The following KANK3 variants were observed in gnomAD, a reference collection of about 807,000 sequenced individuals.
KANK3 encodes the protein KN motif and ankyrin repeat domain-containing protein 3.
In KANK3, 61 loss-of-function variants were observed where a neutral mutation model predicts 65.4. That is an observed-to-expected ratio of 0.93 (90% confidence interval 0.76 to 1.15). KANK3 has a LOEUF of 1.15. Among genes scored for constraint, KANK3 ranks in the 50% most tolerant of loss-of-function variants. The pLI is 0.00. For synonymous variants in KANK3, 586 were observed against 543.3 expected (o/e 1.08, Z -1.09); for missense variants, 1,187 against 1,178.8 (o/e 1.01, Z -0.10).
At chr19:8,327,628 C>A (rs1200242088) in intron 7 of KANK3, among the ~76,000 whole-genome samples, 1 of 151,930 alleles carries the variant, frequency 6.6e-6, no homozygotes, top group Non-Finnish European at 1.5e-5. Context: ...ACACTCTGCT[C>A]CCCGCCAAAA....
chr19:8,332,310 T>C (rs981254095), intron 7 of KANK3, among the ~76,000 whole-genome samples: 1 of 151,978 alleles, frequency 6.6e-6, no homozygotes, highest in Non-Finnish European at 1.5e-5. Flanking sequence ...CCTGAGTAGC[T>C]GGAATTACAG....
chr19:8,335,810 G>A lies in KANK3; in HGVS notation c.35-18C>T. The A allele has an allele frequency of 2.4e-6, 3 of 1,227,554 alleles. No homozygotes were observed. Among genetic ancestry groups the A allele is most frequent in the Admixed American group, 4.2e-5 (1 of 23,670 alleles). 76.0% of individuals were successfully genotyped at this position (1,227,554 alleles called of 1,614,324 possible). A position where few individuals can be genotyped will look rare whatever the true frequency, so the allele number is the denominator to read the frequency against. ...GCCCAGGTCTGGAGGCACGACGGGG[G>A]CACGGGGAGGGCGCATCAGAACGGG... On this transcript the variant is annotated intron_variant, in intron 2 of 10. Coordinates refer to ENST00000330915, the MANE Select transcript of KANK3 (RefSeq NM_198471.3).
chr19:8,324,451 G>C lies in KANK3; in HGVS notation c.2380C>G (p.Gln794Glu). 6.3e-7 allele frequency: 1 copy of C among 1,598,792 alleles called. No individual in the cohort carries two copies. The highest frequency in any genetic ancestry group is 1.7e-5 in the Admixed American group (1 of 57,406). The change falls in exon 10 of 11, where the codon CAG becomes GAG. Residue 794 changes from glutamine to glutamate, a missense_variant and splice_region_variant. By Grantham distance (29) the Gln-to-Glu change is conservative. Around this residue, in one of 3 missense-constraint regions of KANK3, gnomAD observed 1,078 missense variants for 1,038.2 expected, o/e 1.04. Transcript: ENST00000330915. ...AHLSSGQPDTQSESPPGSQTA... is the reference protein window; with the variant it reads ...AHLSSGQPDTESESPPGSQTA... ...GTTTCTTCCAGAGCTGTGCTCACCTGGGTGTCGGGCTGGCCCGAGCTCAGG... is the reference window on the plus strand; with the variant it reads ...GTTTCTTCCAGAGCTGTGCTCACCTCGGTGTCGGGCTGGCCCGAGCTCAGG...
chr19:8,325,022 G>T lies in KANK3; in HGVS notation c.2011C>A (p.Gln671Lys). Reference protein sequence around the residue: ...LMLAALTSVRQEEEDMAVVQR... With the variant: ...LMLAALTSVRKEEEDMAVVQR... ...ACCACAGCCATGTCCTCCTCTTCCT[G>T]CCTCACAGAGGTGAGTGCAGCCAGC... is the stretch of plus-strand genomic sequence containing the variant. The change falls in exon 8 of 11, where the codon CAG (glutamine) becomes AAG (lysine). Residue 671 changes from glutamine (Q) to lysine (K), a missense_variant. By Grantham distance (53) the Gln-to-Lys change is moderately conservative. Transcript: ENST00000330915. 6.2e-7 allele frequency: 1 copy of T among 1,613,852 alleles called. No homozygotes were observed. The highest frequency in any genetic ancestry group is 8.5e-7 in the Non-Finnish European group (1 of 1,179,998).
At chr19:8,339,261 G>A (rs1202015473) in intron 1 of KANK3, among the ~76,000 whole-genome samples, 1 of 152,126 alleles carries the variant, frequency 6.6e-6, no homozygotes, top group African/African-American at 2.4e-5. Context: ...AAAAAGCACA[G>A]GGTGAAATCT....
In KANK3 at chr19:8,335,411, C is replaced by T. The variant is rs1970618681; in HGVS notation, c.416G>A (p.Arg139Gln). ...GTGTGTCTGCGCCAGCTCCAGCCGCCGGCTGGTCTCCCGGAGCGTGTGCTC... is the reference window on the plus strand; with the variant it reads ...GTGTGTCTGCGCCAGCTCCAGCCGCTGGCTGGTCTCCCGGAGCGTGTGCTC... ...RVEHTLRETS[R>Q]RLELAQTHER... Residue 139 changes from arginine (R) to glutamine (Q), a missense_variant, in exon 3 of 11, where the codon CGG becomes CAG. Transcript: ENST00000330915. 3.3e-6 allele frequency: 4 copies of T among 1,204,706 alleles called. No homozygotes were observed. The highest frequency in any genetic ancestry group is 4.1e-6 in the Non-Finnish European group (4 of 970,290). 74.6% of individuals were successfully genotyped at this position (1,204,706 alleles called of 1,614,324 possible).
At chr19:8,340,713 T>A (rs535614180) in intron 1 of KANK3, among the ~76,000 whole-genome samples, 1 of 152,258 alleles carries the variant, frequency 6.6e-6, no homozygotes. Context: ...GGGGAAACCG[T>A]AACTCCATTT....
Position 8,324,490 on chromosome 19 carries a change from G to A in KANK3, c.2341C>T (p.Leu781=). The part of the protein sequence containing the change: ...LEAEQDEVAA[L]LHAHLSSGQP... Reference sequence around the variant, plus strand: ...CCCGAGCTCAGGTGGGCATGTAGCAGAGCGGCCACCTCATCCTGCTCAGCC... The same window carrying A: ...CCCGAGCTCAGGTGGGCATGTAGCAAAGCGGCCACCTCATCCTGCTCAGCC... Residue 781 remains leucine (L), a synonymous_variant, in exon 10 of 11, where the codon CTG becomes TTG. Transcript: ENST00000330915. 1 of 1,612,454 alleles carries A rather than the reference G, an allele frequency of 6.2e-7. No homozygotes were observed. The highest frequency in any genetic ancestry group is 1.1e-5 in the South Asian group (1 of 90,808).
intron 1 of KANK3, among the ~76,000 whole-genome samples, chr19:8,338,661 G>A (rs545880815): frequency 6.6e-6 from 1 of 151,876 alleles, no homozygotes; most frequent in African/African-American, 2.4e-5. Flanking sequence ...GGATCATGAG[G>A]TCAGGAGATC....
At position 8,333,288 on chromosome 19, in the gene KANK3, G is replaced by A. The variant is rs1405277707; in HGVS notation, c.1720-58C>T. 1 of 1,390,436 alleles carries A rather than the reference G, an allele frequency of 7.2e-7. No individual in the cohort carries two copies. The highest frequency in any genetic ancestry group is 9.9e-7 in the Non-Finnish European group (1 of 1,011,598). 86.1% of individuals were successfully genotyped at this position (1,390,436 alleles called of 1,614,324 possible). ...GATGGTCCACGGCGGCGCCGTGGTG[G>A]GGGAGCTGGGGAGGGGCGGGACTGG... On this transcript the variant is annotated intron_variant, in intron 6 of 10. Coordinates refer to ENST00000330915, the MANE Select transcript of KANK3 (RefSeq NM_198471.3). This position sits in a 1 kb window ranked among gnomAD's most constrained non-coding sequence, Gnocchi z 5.0.
intron 7 of KANK3, among the ~76,000 whole-genome samples, chr19:8,328,387 C>CCACACACA (rs55963090): frequency 2.9e-4 from 42 of 145,212 alleles, no homozygotes; most frequent in East Asian, 1.9e-3. Context: ...ACCACCCCCA[C>CCACACACA]CACACACACA....
intron 1 of KANK3, among the ~76,000 whole-genome samples, chr19:8,339,397 T>C (rs1047344783): frequency 5.9e-5 from 9 of 151,530 alleles, no homozygotes; most frequent in African/African-American, 1.9e-4. Context: ...TTCCCTCTTG[T>C]TGCCCAGGCT....
In KANK3 at chr19:8,334,648, G is replaced by A; in HGVS notation, c.1179C>T (p.Ala393=). 6.5e-7 allele frequency: 1 copy of A among 1,531,634 alleles called. No individual in the cohort carries two copies. The highest frequency in any genetic ancestry group is 8.7e-7 in the Non-Finnish European group (1 of 1,145,382). The allele number at this position is 1,531,634 out of a possible 1,614,324, so 94.9% of individuals were successfully genotyped here. ...TGGTGGCCTCGCGTAGCTGGGCCCG[G>A]GCCCCCGCCGCTGCCTCCTCCGCAG... is the stretch of plus-strand genomic sequence containing the variant. The part of the protein sequence containing the change: ...REAAEEAAAG[A]RAQLREATTQ... The change falls in exon 3 of 11, where the codon GCC becomes GCT. Residue 393 remains alanine, a synonymous_variant. Transcript: ENST00000330915.
At chr19:8,332,538 G>C (rs113483064) in intron 7 of KANK3, among the ~76,000 whole-genome samples, 50,822 of 151,200 alleles carry the variant, frequency 0.34, 8,809 homozygotes, top group African/African-American at 0.4. Flanking sequence ...AAGGAGGTTG[G>C]CTGGGCGCAG....
chr19:8,326,363 A>C (rs2145415065), intron 7 of KANK3, among the ~76,000 whole-genome samples: 1 of 151,944 alleles, frequency 6.6e-6, no homozygotes, highest in East Asian at 2.0e-4. Context: ...TGGGAGCTGC[A>C]GTGAGCCAAG....
In KANK3 at chr19:8,340,291, T is replaced by TATATATATATATATATATACAC. The variant is rs1472181365; in HGVS notation, c.-28-2436_-28-2435insGTGTATATATATATATATATAT. Among the ~76,000 whole-genome samples, 303 of 92,700 alleles carry TATATATATATATATATATACAC rather than the reference T, an allele frequency of 3.3e-3. 1 individual carries two copies. Among genetic ancestry groups the TATATATATATATATATATACAC allele is most frequent in the Middle Eastern group, 6.0e-3 (1 of 168 alleles). 60.8% of individuals were successfully genotyped at this position (92,700 alleles called of 152,430 possible). ...AAAAAAAACCATATATATATATATA[T>TATATATATATATATATATACAC]ACACACACACACACACACACACACA... On this transcript the variant is annotated intron_variant, in intron 1 of 10. Coordinates refer to ENST00000330915, the MANE Select transcript of KANK3 (RefSeq NM_198471.3).
At chr19:8,331,082 A>T (rs1970515320) in intron 7 of KANK3, among the ~76,000 whole-genome samples, 1 of 151,278 alleles carries the variant, frequency 6.6e-6, no homozygotes, top group South Asian at 2.1e-4. Flanking sequence ...AGTCCCAGCT[A>T]CTCGGGAGGC....
chr19:8,333,864 G>A lies in KANK3; in HGVS notation c.1634+46C>T, dbSNP rs2145429648. The A allele has an allele frequency of 1.9e-6, 3 of 1,551,398 alleles. No individual in the cohort carries two copies. The highest frequency in any genetic ancestry group is 4.9e-5 in the East Asian group (2 of 40,998). On this transcript the variant is annotated intron_variant, in intron 5 of 10. Coordinates refer to ENST00000330915, the MANE Select transcript of KANK3 (RefSeq NM_198471.3). The surrounding 1 kb of genome is among the most constrained non-coding windows in gnomAD (Gnocchi z 5.0). ...GGATCGGGGACAGCGCCGACCAGGA[G>A]GAGGGCAGCCGCCTCCTCTCCAAAC... is the stretch of plus-strand genomic sequence containing the variant.
Position 8,333,156 on chromosome 19 carries a change from G to A in KANK3, c.1794C>T (p.Ala598=). ...GGCGCCTCACCCCTTCCAGCATCCT[G>A]GCCACGGGCTCCGCCTGAGAGCGCC... ...SQRRSQAEPV[A]RMLEGVRRLG... The change falls in exon 7 of 11, where the codon GCC becomes GCT. Residue 598 remains alanine, a synonymous_variant. Coordinates refer to ENST00000330915, the MANE Select transcript of KANK3 (RefSeq NM_198471.3). This position sits in a 1 kb window ranked among gnomAD's most constrained non-coding sequence, Gnocchi z 5.0. The A allele has an allele frequency of 6.2e-7, 1 of 1,613,060 alleles. No homozygotes were observed. Among genetic ancestry groups the A allele is most frequent in the Non-Finnish European group, 8.5e-7 (1 of 1,179,930 alleles).
Sources: allele counts gnomAD v4.1 joint callset (sites outside exome capture counted in the v4.1 genomes callset), GRCh38; gene constraint gnomAD v4.1.1; regional missense constraint gnomAD v4.1.1; non-coding constraint Gnocchi (gnomAD v3.1); transcripts MANE v1.5; gene names NCBI Gene and HGNC (gene_info 2026-07-23, HGNC 2026-07-21).